GUF1: variants seen among roughly 807,000 people sequenced by gnomAD.
GUF1 encodes translation factor GUF1, mitochondrial.
In GUF1, 78 loss-of-function variants were observed where a neutral mutation model predicts 82.4. The observed-to-expected ratio is 0.95, with a 90% CI of 0.79 to 1.14. The LOEUF is 1.14. GUF1 is among the 50% of genes most tolerant of loss of function. The pLI, the probability that GUF1 is intolerant of heterozygous loss-of-function variation, is 0.00. For missense variants in GUF1, 814 were observed against 798.2 expected (o/e 1.02, Z -0.24); for synonymous variants, 279 against 282.3 (o/e 0.99, Z 0.12).
intron 11 of GUF1, 40 bp from the exon 12 acceptor site, chr4:44,690,672 CATTAT>C (rs1715378242): frequency 1.8e-6 from 2 of 1,127,000 alleles, no homozygotes; most frequent in South Asian, 3.2e-5. Context: ...AAATGATAAT[CATTAT>C]ATTAAGATTT....
At chr4:44,679,660 T>C (rs1714650461) in intron 1 of GUF1, among the ~76,000 whole-genome samples, 1 of 152,212 alleles carries the variant, frequency 6.6e-6, no homozygotes, top group Admixed American at 6.5e-5. Context: ...ATTGTGCTTT[T>C]ATTATCTGTC....
In GUF1 at chr4:44,698,735, A is replaced by G; in HGVS notation, c.*54A>G. 6.7e-7 allele frequency: 1 copy of G among 1,485,672 alleles called. No individual in the cohort carries two copies. Among genetic ancestry groups the G allele is most frequent in the South Asian group, 1.3e-5 (1 of 78,146 alleles). 92.0% of individuals were successfully genotyped at this position (1,485,672 alleles called of 1,614,324 possible). ...CAATTTGTAATATGCTGACAACAGA[A>G]AGAAAATTATAAAATTTGCTTGTTA... On this transcript the variant is annotated 3_prime_UTR_variant, in exon 17 of 17. Coordinates refer to ENST00000281543, the MANE Select transcript of GUF1 (RefSeq NM_021927.3).
In GUF1 at chr4:44,689,824, T is replaced by C. The variant is rs770881484; in HGVS notation, c.1203-19T>C. 8.8e-6 allele frequency: 14 copies of C among 1,588,570 alleles called. No homozygotes were observed. In the South Asian group the frequency reaches 1.5e-4, roughly 17 times the overall value. On this transcript the variant is annotated intron_variant, in intron 10 of 16. Coordinates refer to ENST00000281543, the MANE Select transcript of GUF1 (RefSeq NM_021927.3). ...CCATGGGACATAAACATTTTGGAGT[T>C]TGTCTTTTCCTCCCCCAGGCTAGGA...
chr4:44,682,485 C>T, intron 5 of GUF1, 74 bp downstream of exon 5: 1 of 746,182 alleles, frequency 1.3e-6, no homozygotes, highest in South Asian at 2.5e-5. Flanking sequence ...GTCAGTTGTA[C>T]TATTCATTAT....
At position 44,688,092 on chromosome 4, in the gene GUF1, C is replaced by T. The variant is rs1342262031; in HGVS notation, c.1024C>T (p.Gln342Ter). 1 of 1,612,190 alleles carries T rather than the reference C, an allele frequency of 6.2e-7. No homozygotes were observed. The change falls in exon 9 of 17, where the codon CAA (glutamine) becomes TAA (stop). Residue 342 changes from glutamine to a stop codon, truncating the protein, a stop_gained. Coordinates refer to ENST00000281543, the MANE Select transcript of GUF1 (RefSeq NM_021927.3). LOFTEE classifies it high-confidence loss of function. Reference sequence around the variant, plus strand: ...AGGAGATACATTATGTTTACATAAGCAACCAGTGGAGCCCTTGCCTGGGTT... The same window carrying T: ...AGGAGATACATTATGTTTACATAAGTAACCAGTGGAGCCCTTGCCTGGGTT... ...QIGDTLCLHK[Q>*]PVEPLPGFKS...
At chr4:44,691,065 T>G (rs1166052921) in intron 12 of GUF1, among the ~76,000 whole-genome samples, 1 of 151,674 alleles carries the variant, frequency 6.6e-6, no homozygotes, top group Non-Finnish European at 1.5e-5. Flanking sequence ...TCTGATAATT[T>G]GTGTAATTTA....
rs1350176967 is a variant in GUF1, at chr4:44,700,198, G to C, written c.*1517G>C. On this transcript the variant is annotated 3_prime_UTR_variant, in exon 17 of 17. Coordinates refer to ENST00000281543, the MANE Select transcript of GUF1 (RefSeq NM_021927.3). ...ACTAAGCCAAAGGGAAGTCAAGCTG[G>C]GAACTGATTGAGGCAAACCTGCCTC... 3 of 152,154 alleles carry C rather than the reference G, an allele frequency of 2.0e-5. No individual in the cohort carries two copies. Among genetic ancestry groups the C allele is most frequent in the Admixed American group, 6.5e-5 (1 of 15,286 alleles). 9.4% of individuals were successfully genotyped at this position (152,154 alleles called of 1,614,324 possible). A position where few individuals can be genotyped will look rare whatever the true frequency, so the allele number is the denominator to read the frequency against.
chr4:44,678,674 C>A lies in GUF1; in HGVS notation c.52C>A (p.Arg18=). ...GWGCARALAP[R]ATGAALLVAP... ...GGGGTGCGCACGCGCTCTCGCGCCACGAGCCACTGGGGCCGCGCTTCTGGT... is the reference window on the plus strand; with the variant it reads ...GGGGTGCGCACGCGCTCTCGCGCCAAGAGCCACTGGGGCCGCGCTTCTGGT... The change falls in exon 1 of 17, where the codon CGA becomes AGA. Residue 18 remains arginine (R), a synonymous_variant. Coordinates refer to ENST00000281543, the MANE Select transcript of GUF1 (RefSeq NM_021927.3). 1 of 1,492,128 alleles carries A rather than the reference C, an allele frequency of 6.7e-7. No homozygotes were observed. The highest frequency in any genetic ancestry group is 3.1e-5 in the Admixed American group (1 of 32,716). The allele number at this position is 1,492,128 out of a possible 1,614,324, so 92.4% of individuals were successfully genotyped here.
chr4:44,679,196 A>G (rs1284213480), intron 1 of GUF1, among the ~76,000 whole-genome samples: 1 of 152,198 alleles, frequency 6.6e-6, no homozygotes, highest in African/African-American at 2.4e-5. Context: ...CTCCTACTTC[A>G]TTTGTTGAAT....
intron 14 of GUF1, 115 bp downstream of exon 14, chr4:44,694,628 C>T (rs1715672315): frequency 2.2e-5 from 14 of 644,420 alleles, no homozygotes; most frequent in Non-Finnish European, 3.8e-5. Flanking sequence ...AAATAGAGTT[C>T]ACCCTACTAA....
At chr4:44,690,629 TGGA>T in intron 11 of GUF1, 85 bp from the exon 12 acceptor site, 1 of 712,466 alleles carries the variant, frequency 1.4e-6, no homozygotes, top group Non-Finnish European at 2.3e-6. Flanking sequence ...TGATTACAGC[TGGA>T]GGGATTTTAA....
In GUF1 at chr4:44,682,573, G is replaced by A. The variant is rs563825556; in HGVS notation, c.585+162G>A. On this transcript the variant is annotated intron_variant, in intron 5 of 16. Transcript: ENST00000281543. ...AATTGTATATAACAGAAGTGCAACT[G>A]AAACTCACCCTTGCACAGAATTGAG... 3 of 388,700 alleles carry A rather than the reference G, an allele frequency of 7.7e-6. No homozygotes were observed. The East Asian group carries it at 1.2e-4, about 16-fold the overall frequency. The allele number at this position is 388,700 out of a possible 1,614,324, so 24.1% of individuals were successfully genotyped here.
At chr4:44,697,002 A>C (rs759957083) in intron 15 of GUF1, among the ~76,000 whole-genome samples, 2 of 152,208 alleles carry the variant, frequency 1.3e-5, no homozygotes, top group Non-Finnish European at 2.9e-5. Context: ...CACATTCAGT[A>C]GAGGCAGTAA....
At chr4:44,694,387 A>C (rs1378032950) in intron 13 of GUF1, 25 bp from the exon 14 acceptor site, 2 of 1,372,182 alleles carry the variant, frequency 1.5e-6, no homozygotes, top group Non-Finnish European at 2.1e-6. Flanking sequence ...TGTAATATTT[A>C]TCACTTGGAC....
rs773380532 is a variant in GUF1, at chr4:44,698,676, AAAT to A, written c.2009_*1del. On this transcript the variant is annotated stop_lost and inframe_deletion, in exon 17 of 17. Coordinates refer to ENST00000281543, the MANE Select transcript of GUF1 (RefSeq NM_021927.3). ...AAAAGTTCTGAAAACACAATCTTCT[AAAT>A]AATTGGTGGGAAAACAAAGAATTTT... 1.1e-5 allele frequency: 18 copies of A among 1,589,340 alleles called. No homozygotes were observed. In the African/African-American group the frequency reaches 1.8e-4, roughly 16 times the overall value.
Position 44,688,137 on chromosome 4 carries a change from G to C in GUF1, c.1069G>C (p.Val357Leu). The change falls in exon 9 of 17, where the codon GTA becomes CTA. Residue 357 changes from valine (V) to leucine (L), a missense_variant. Val to Leu is a conservative substitution (Grantham distance 32). Coordinates refer to ENST00000281543, the MANE Select transcript of GUF1 (RefSeq NM_021927.3). The part of the protein sequence containing the change: ...LPGFKSAKPM[V>L]FAGMYPLDQS... The stretch of plus-strand genomic sequence containing the variant: ...TGGGTTTAAATCAGCGAAACCAATG[G>C]TATTTGCAGGTGAGGAGTTCACAAA... 6.2e-7 allele frequency: 1 copy of C among 1,610,482 alleles called. No individual in the cohort carries two copies. The highest frequency in any genetic ancestry group is 8.5e-7 in the Non-Finnish European group (1 of 1,177,890).
At chr4:44,687,903 GT>G (rs1715160263) in intron 8 of GUF1, 103 bp from the exon 9 acceptor site, 4 of 996,522 alleles carry the variant, frequency 4.0e-6, no homozygotes, top group Non-Finnish European at 4.4e-6. Context: ...TGTATGGAAA[GT>G]TTGGAAAGTG....
chr4:44,692,563 A>G (rs1462313900), intron 13 of GUF1, among the ~76,000 whole-genome samples: 2 of 151,998 alleles, frequency 1.3e-5, no homozygotes, highest in Non-Finnish European at 2.9e-5. Context: ...ACTCCCACAC[A>G]GTGCATGAAT....
At chr4:44,684,849 G>A (rs1714960146) in intron 6 of GUF1, among the ~76,000 whole-genome samples, 1 of 152,120 alleles carries the variant, frequency 6.6e-6, no homozygotes, top group Non-Finnish European at 1.5e-5. Flanking sequence ...GCTGCCCATA[G>A]GCAAGATAGC....
Sources: gnomAD v4.1 joint callset for allele counts (sites outside exome capture counted in the v4.1 genomes callset) on GRCh38, gnomAD v4.1.1 for gene constraint, MANE v1.5 for transcripts, NCBI Gene and HGNC (gene_info 2026-07-23, HGNC 2026-07-21) for gene names.